The following IMMP2L variants were observed in gnomAD, a reference collection of about 807,000 sequenced individuals.
The protein encoded by IMMP2L is inner mitochondrial membrane peptidase subunit 2.
IMMP2L carries 18 observed loss-of-function variants against 19.3 expected under a neutral mutation model. The observed-to-expected ratio is 0.93, with a 90% confidence interval of 0.64 to 1.38. The LOEUF is 1.38. Among genes scored for constraint, IMMP2L ranks in the 40% most tolerant of loss-of-function variants. The pLI is 0.00. For missense variants in IMMP2L, 233 were observed against 218.2 expected (o/e 1.07, Z -0.43); for synonymous variants, 76 against 73.0 (o/e 1.04, Z -0.21).
At chr7:111,040,301 A>G (rs1215060001) in intron 3 of IMMP2L, among the ~76,000 whole-genome samples, 1 of 152,236 alleles carries the variant, frequency 6.6e-6, no homozygotes, top group Admixed American at 6.5e-5. Flanking sequence ...TTAAATAGAT[A>G]TGGAGTTGCC....
chr7:111,505,416 T>G (rs1034300176), intron 2 of IMMP2L, among the ~76,000 whole-genome samples: 2 of 151,866 alleles, frequency 1.3e-5, no homozygotes, highest in African/African-American at 4.8e-5. Flanking sequence ...GTCAGTGTGG[T>G]GATTCCTCAG....
At chr7:111,446,824 A>C (rs1784456759) in intron 3 of IMMP2L, among the ~76,000 whole-genome samples, 2 of 151,646 alleles carry the variant, frequency 1.3e-5, no homozygotes, top group Admixed American at 1.3e-4. Context: ...ATTTAGAAGA[A>C]TGTATAACTA....
intron 5 of IMMP2L, among the ~76,000 whole-genome samples, chr7:110,685,970 A>T (rs1317489885): frequency 6.6e-6 from 1 of 152,100 alleles, no homozygotes; most frequent in Non-Finnish European, 1.5e-5. Context: ...TCAGCTCTTC[A>T]ATAGCAGTTA....
At chr7:111,331,018 G>T (rs1288750431) in intron 3 of IMMP2L, among the ~76,000 whole-genome samples, 1 of 151,886 alleles carries the variant, frequency 6.6e-6, no homozygotes, top group Non-Finnish European at 1.5e-5. Flanking sequence ...AAACTGTATG[G>T]AAGTTCCTCA....
intron 3 of IMMP2L, among the ~76,000 whole-genome samples, chr7:111,350,799 T>G (rs557625272): frequency 2.6e-5 from 4 of 152,288 alleles, no homozygotes; most frequent in African/African-American, 9.6e-5. Flanking sequence ...TCTCATCTTT[T>G]GTATCTATTT....
chr7:111,440,778 G>C (rs1183338695), intron 3 of IMMP2L, among the ~76,000 whole-genome samples: 1 of 151,870 alleles, frequency 6.6e-6, no homozygotes, highest in Non-Finnish European at 1.5e-5. Context: ...CTCCTAGATG[G>C]TATCTTCTTC....
intron 5 of IMMP2L, among the ~76,000 whole-genome samples, chr7:110,787,683 A>C (rs1230058814): frequency 1.3e-5 from 2 of 151,988 alleles, no homozygotes. Context: ...TATTTAATTC[A>C]TTCCACAATC....
Position 110,663,526 on chromosome 7 carries a change from T to G in IMMP2L, c.*76A>C. The G allele has an allele frequency of 1.6e-5, 23 of 1,397,074 alleles. No individual in the cohort carries two copies. The highest frequency in any genetic ancestry group is 2.3e-5 in the Non-Finnish European group (23 of 993,368). The allele number at this position is 1,397,074 out of a possible 1,614,324, so 86.5% of individuals were successfully genotyped here. A position where few individuals can be genotyped will look rare whatever the true frequency, so the allele number is the denominator to read the frequency against. On this transcript the variant is annotated 3_prime_UTR_variant, in exon 6 of 6. Transcript: ENST00000405709. The stretch of plus-strand genomic sequence containing the variant: ...CATCATATTGTCAGAAGTTTTTCCC[T>G]TTTGGAGGCTTCTTTTTTCCATTCC...
chr7:111,284,704 A>C (rs1447896745), intron 3 of IMMP2L, among the ~76,000 whole-genome samples: 1 of 152,182 alleles, frequency 6.6e-6, no homozygotes. Context: ...AAACTGGATG[A>C]AGTGTTGCCA....
intron 3 of IMMP2L, among the ~76,000 whole-genome samples, chr7:111,293,649 A>G (rs1017668870): frequency 8.6e-5 from 13 of 151,994 alleles, no homozygotes; most frequent in African/African-American, 2.4e-4. Flanking sequence ...CATGTATTAG[A>G]TTCTATGTAA....
rs948903496 is a variant in IMMP2L at position 110,728,607 on chromosome 7, C to G, written c.409-64886G>C. ...AAGGCTCACCATTATCACATTTTAT[C>G]TAATCACCTCCTAACTACTTTCAAA... On this transcript the variant is annotated intron_variant, in intron 5 of 5. Coordinates refer to ENST00000405709, the MANE Select transcript of IMMP2L (RefSeq NM_032549.4). This position sits in a 1 kb window ranked among gnomAD's most constrained non-coding sequence, Gnocchi z 4.6. Among the ~76,000 whole-genome samples the G allele has an allele frequency of 2.6e-5, 4 of 152,220 alleles. No individual in the cohort carries two copies. The highest frequency in any genetic ancestry group is 1.5e-5 in the Non-Finnish European group (1 of 68,032).
Position 110,663,344 on chromosome 7 carries a change from T to C in IMMP2L, c.*258A>G, listed in dbSNP as rs961843117. The C allele has an allele frequency of 6.6e-6, 2 of 301,102 alleles. No individual in the cohort carries two copies. Among genetic ancestry groups the C allele is most frequent in the Non-Finnish European group, 6.1e-6 (1 of 163,254 alleles). 18.7% of individuals were successfully genotyped at this position (301,102 alleles called of 1,614,324 possible). On this transcript the variant is annotated 3_prime_UTR_variant, in exon 6 of 6. Transcript: ENST00000405709. The stretch of plus-strand genomic sequence containing the variant: ...ATTAAGACATGTGGGTGCAATATTT[T>C]TATATTCCCAAAGGTCTGCATATTT...
intron 5 of IMMP2L, among the ~76,000 whole-genome samples, chr7:110,713,960 A>C (rs2894574): frequency 0.87 from 131,730 of 152,092 alleles, 57,202 homozygotes; most frequent in Non-Finnish European, 0.89. Context: ...ATTCCAGTAC[A>C]ATGTTGAACA....
At chr7:110,729,429 C>T (rs1479191165) in intron 5 of IMMP2L, among the ~76,000 whole-genome samples, 6 of 152,090 alleles carry the variant, frequency 3.9e-5, no homozygotes, top group Admixed American at 2.0e-4. Context: ...CTCACTATCA[C>T]GAGAATAGCA....
intron 2 of IMMP2L, among the ~76,000 whole-genome samples, chr7:111,500,168 T>C (rs975746156): frequency 6.6e-6 from 1 of 152,164 alleles, no homozygotes; most frequent in Non-Finnish European, 1.5e-5. Flanking sequence ...ATCCCGCACC[T>C]GGCTCAGAGG....
chr7:110,918,532 T>C (rs529911522), intron 4 of IMMP2L, among the ~76,000 whole-genome samples: 2 of 150,916 alleles, frequency 1.3e-5, no homozygotes, highest in East Asian at 3.9e-4. Context: ...CTCGGCTCAC[T>C]GCAACCTCTG....
chr7:111,445,495 T>C (rs957580553), intron 3 of IMMP2L, among the ~76,000 whole-genome samples: 1 of 151,840 alleles, frequency 6.6e-6, no homozygotes. Context: ...TCATGATGAA[T>C]AATAAAGAAG....
At chr7:111,044,165 T>C (rs1445853046) in intron 3 of IMMP2L, among the ~76,000 whole-genome samples, 3 of 152,222 alleles carry the variant, frequency 2.0e-5, no homozygotes, top group Non-Finnish European at 4.4e-5. Context: ...AAAAACATTA[T>C]ATAGAGTCTC....
intron 3 of IMMP2L, among the ~76,000 whole-genome samples, chr7:111,039,598 A>G (rs954590059): frequency 6.6e-6 from 1 of 152,118 alleles, no homozygotes; most frequent in Admixed American, 6.5e-5. Flanking sequence ...CCCCCTTTGT[A>G]TTCCCTGCTT....
Sources: allele counts gnomAD v4.1 joint callset (sites outside exome capture counted in the v4.1 genomes callset), GRCh38; gene constraint gnomAD v4.1.1; non-coding constraint Gnocchi (gnomAD v3.1); transcripts MANE v1.5; gene names NCBI Gene and HGNC (gene_info 2026-07-23, HGNC 2026-07-21).